PTPN14: variants seen among roughly 807,000 people sequenced by gnomAD.
PTPN14 encodes protein tyrosine phosphatase non-receptor type 14, also known as tyrosine-protein phosphatase non-receptor type 14.
PTPN14 carries 53 observed loss-of-function variants against 126.8 expected under a neutral mutation model. The observed-to-expected ratio is 0.42, with a 90% CI of 0.34 to 0.53. The LOEUF (loss-of-function observed/expected upper bound fraction) is 0.53. Among genes scored for constraint, PTPN14 ranks in the 20% least tolerant of loss-of-function variants. The pLI is 0.08. For missense variants in PTPN14, 1,257 were observed against 1,552.9 expected, an observed-to-expected ratio of 0.81 and a Z score of 3.20; for synonymous variants, 630 against 599.3, an observed-to-expected ratio of 1.05 and a Z score of -0.75.
chr1:214,466,890 A>G (rs1344420168), intron 1 of PTPN14, among the ~76,000 whole-genome samples: 7 of 152,294 alleles, frequency 4.6e-5, no homozygotes, highest in African/African-American at 1.7e-4. Flanking sequence ...ACTCCCTGCC[A>G]GTACTCATGC....
chr1:214,477,325 C>A (rs1660889444), intron 1 of PTPN14, among the ~76,000 whole-genome samples: 1 of 152,172 alleles, frequency 6.6e-6, no homozygotes, highest in Admixed American at 6.5e-5. Context: ...CAGACATGGT[C>A]GTGCTGCTCA....
At chr1:214,463,708 A>C (rs1440350035) in intron 2 of PTPN14, among the ~76,000 whole-genome samples, 1 of 152,194 alleles carries the variant, frequency 6.6e-6, no homozygotes, top group East Asian at 1.9e-4. Flanking sequence ...GGTCCTGGGC[A>C]ATGCTGTCAC....
At chr1:214,521,005 C>G (rs528177005) in intron 1 of PTPN14, among the ~76,000 whole-genome samples, 1 of 152,238 alleles carries the variant, frequency 6.6e-6, no homozygotes, top group Admixed American at 6.5e-5. Flanking sequence ...TGCCTAACAG[C>G]TCCACATGTC....
At chr1:214,521,723 A>AT (rs1431189822) in intron 1 of PTPN14, among the ~76,000 whole-genome samples, 1 of 139,570 alleles carries the variant, frequency 7.2e-6, no homozygotes, top group East Asian at 2.7e-4. Context: ...CTCAAAGCAC[A>AT]CCCACACACA....
At chr1:214,478,137 G>A (rs1029039684) in intron 1 of PTPN14, among the ~76,000 whole-genome samples, 4 of 152,162 alleles carry the variant, frequency 2.6e-5, no homozygotes, top group African/African-American at 9.7e-5. Flanking sequence ...ACTTTCATTG[G>A]AAATAAAAGC....
rs3002306 is a variant in PTPN14, at chr1:214,373,141, G to A, written c.2908-302C>T. Among the ~76,000 whole-genome samples the A allele has an allele frequency of 0.8, 122,040 of 152,144 alleles. 49,459 individuals carry two copies. Among genetic ancestry groups the A allele is most frequent in the African/African-American group, 0.91 (37,962 of 41,504 alleles). ...ACGATCTTGGCTCACTGCAACCTCC[G>A]CCTCCTGGGTTCAAGCAATTCTCCC... On this transcript the variant is annotated intron_variant, in intron 15 of 18. Transcript: ENST00000366956.
At chr1:214,403,589 T>C (rs1169396487) in intron 5 of PTPN14, among the ~76,000 whole-genome samples, 8 of 152,164 alleles carry the variant, frequency 5.3e-5, no homozygotes, top group Non-Finnish European at 1.5e-5. Context: ...TACTATGGGC[T>C]CAGAAGAACT....
chr1:214,373,877 C>T (rs1251383657), intron 15 of PTPN14, among the ~76,000 whole-genome samples: 1 of 152,152 alleles, frequency 6.6e-6, no homozygotes, highest in Admixed American at 6.5e-5. Context: ...ATAGCTTCAC[C>T]TTGGTAGTAC....
chr1:214,433,947 CACACAAAAA>C (rs761178781), intron 3 of PTPN14, among the ~76,000 whole-genome samples: 14 of 23,330 alleles, frequency 6.0e-4, no homozygotes, highest in Admixed American at 9.2e-4. Context: ...CACACACACA[CACACAAAAA>C]AAAAAAAAAA....
chr1:214,419,103 C>A (rs1249277297), intron 3 of PTPN14, among the ~76,000 whole-genome samples: 1 of 152,132 alleles, frequency 6.6e-6, no homozygotes, highest in African/African-American at 2.4e-5. Context: ...TCTATATTAT[C>A]GATCATAAAA....
intron 1 of PTPN14, among the ~76,000 whole-genome samples, chr1:214,536,761 A>C (rs1655718614): frequency 6.6e-6 from 1 of 152,228 alleles, no homozygotes; most frequent in Non-Finnish European, 1.5e-5. Context: ...ATGAAGGAGT[A>C]TATAAAATTA....
intron 17 of PTPN14, among the ~76,000 whole-genome samples, chr1:214,365,550 T>C (rs1019757146): frequency 6.6e-6 from 1 of 152,196 alleles, no homozygotes; most frequent in African/African-American, 2.4e-5. Context: ...TTAAAGGTTC[T>C]TGATACTCAG....
intron 1 of PTPN14, among the ~76,000 whole-genome samples, chr1:214,545,857 A>G (rs1199353986): frequency 2.6e-4 from 39 of 152,156 alleles, no homozygotes; most frequent in Admixed American, 2.6e-3. Context: ...TGGCATGTAT[A>G]GCAGACACTC....
chr1:214,402,048 G>A (rs1040258508), intron 6 of PTPN14, among the ~76,000 whole-genome samples: 4 of 151,652 alleles, frequency 2.6e-5, no homozygotes, highest in South Asian at 4.2e-4. Context: ...ACATCCCTTC[G>A]AATATGTTGC....
intron 1 of PTPN14, among the ~76,000 whole-genome samples, chr1:214,506,857 T>G (rs1267317521): frequency 2.0e-5 from 3 of 151,788 alleles, no homozygotes; most frequent in Non-Finnish European, 4.4e-5. Flanking sequence ...AACAAGAATG[T>G]CTCGGTGGCA....
At chr1:214,472,218 A>C (rs1572021895) in intron 1 of PTPN14, among the ~76,000 whole-genome samples, 1 of 152,100 alleles carries the variant, frequency 6.6e-6, no homozygotes, top group Non-Finnish European at 1.5e-5. Context: ...ATAGGGGTGG[A>C]TCCCTTCTGG....
intron 8 of PTPN14, among the ~76,000 whole-genome samples, chr1:214,395,608 C>CAT (rs1330802626): frequency 5.6e-4 from 85 of 151,186 alleles, no homozygotes; most frequent in African/African-American, 1.9e-3. Context: ...CACACACACA[C>CAT]ACACACACAC....
chr1:214,514,582 G>A (rs550346023), intron 1 of PTPN14, among the ~76,000 whole-genome samples: 2 of 120,978 alleles, frequency 1.7e-5, no homozygotes, highest in Admixed American at 7.4e-5. Flanking sequence ...TGAGCCTGGG[G>A]TCCCCCCTCG....
In PTPN14 at chr1:214,384,365, G is replaced by A. The variant is rs1241248803; in HGVS notation, c.1490C>T (p.Thr497Ile). 8.7e-6 allele frequency: 14 copies of A among 1,614,050 alleles called. No individual in the cohort carries two copies. The highest frequency in any genetic ancestry group is 1.2e-5 in the Non-Finnish European group (14 of 1,180,042). The change falls in exon 13 of 19, where the codon ACT (threonine) becomes ATT (isoleucine). Residue 497 changes from threonine to isoleucine, a missense_variant. Thr to Ile is a moderately conservative substitution (Grantham distance 89). Around this residue, in one of 3 missense-constraint regions of PTPN14, gnomAD observed 1,021 missense variants for 1,183.3 expected, o/e 0.86. Transcript: ENST00000366956. The surrounding 1 kb of genome is among the most constrained non-coding windows in gnomAD (Gnocchi z 5.3). ...GACCCCCTGTGGCCCATAAGGGACAGTGTAGGGGTGCCTCTCCCGCATCTC... is the reference window on the plus strand; with the variant it reads ...GACCCCCTGTGGCCCATAAGGGACAATGTAGGGGTGCCTCTCCCGCATCTC... ...QPEMRERHPY[T>I]VPYGPQGVYS...
Sources: allele counts gnomAD v4.1 joint callset (sites outside exome capture counted in the v4.1 genomes callset), GRCh38; gene constraint gnomAD v4.1.1; regional missense constraint gnomAD v4.1.1; non-coding constraint Gnocchi (gnomAD v3.1); transcripts MANE v1.5; gene names NCBI Gene and HGNC (gene_info 2026-07-23, HGNC 2026-07-21).